Variants in SLC35F1 observed in about 807,000 individuals in gnomAD.
SLC35F1 encodes the protein chromosome 6 open reading frame 169.
In SLC35F1, 14 loss-of-function variants were observed where a neutral mutation model predicts 48.7. That is an observed-to-expected ratio of 0.29 (90% CI 0.19 to 0.45). The LOEUF is 0.45. Ranked by LOEUF, SLC35F1 falls within the 20% of genes least tolerant of loss-of-function variation. The pLI is 1.00. For synonymous variants in SLC35F1, 190 were observed against 202.2 expected (o/e 0.94, Z 0.51); for missense variants, 404 against 500.0 (o/e 0.81, Z 1.83).
intron 7 of SLC35F1, among the ~76,000 whole-genome samples, chr6:118,296,615 C>T (rs1204368022): frequency 6.6e-6 from 1 of 152,168 alleles, no homozygotes; most frequent in African/African-American, 2.4e-5. Flanking sequence ...GCCAAAGTTC[C>T]TTGTACAAAA....
intron 1 of SLC35F1, among the ~76,000 whole-genome samples, chr6:118,127,538 T>G (rs1296577193): frequency 3.9e-5 from 6 of 152,114 alleles, no homozygotes; most frequent in Non-Finnish European, 5.9e-5. Context: ...TTGACAAACT[T>G]GAGAAAAACA....
At position 117,932,878 on chromosome 6, in the gene SLC35F1, G is replaced by C. The variant is rs1191496649; in HGVS notation, c.173+24979G>C. On this transcript the variant is annotated intron_variant, in intron 1 of 7. Coordinates refer to ENST00000360388, the MANE Select transcript of SLC35F1 (RefSeq NM_001029858.4). ...CCCGTGAGCCAGCAGTTTTCCCAAG[G>C]CTTATCTCCTGTCCTGCACCATCCC... is the stretch of plus-strand genomic sequence containing the variant. Among the ~76,000 whole-genome samples, 4 of 152,048 alleles carry C rather than the reference G, an allele frequency of 2.6e-5. No individual in the cohort carries two copies. In the East Asian group the frequency reaches 7.7e-4, roughly 29 times the overall value.
At chr6:118,084,823 A>G (rs1772962984) in intron 1 of SLC35F1, among the ~76,000 whole-genome samples, 1 of 151,934 alleles carries the variant, frequency 6.6e-6, no homozygotes, top group African/African-American at 2.4e-5. Context: ...ACTTGCTCTG[A>G]GATGATTCCC....
intron 2 of SLC35F1, among the ~76,000 whole-genome samples, chr6:118,199,002 C>T (rs1376025749): frequency 6.6e-6 from 1 of 152,170 alleles, no homozygotes; most frequent in Non-Finnish European, 1.5e-5. Flanking sequence ...TCCCCCAAGC[C>T]TGGGAAAAGC....
intron 1 of SLC35F1, among the ~76,000 whole-genome samples, chr6:118,065,477 G>T (rs1772598993): frequency 6.6e-6 from 1 of 152,028 alleles, no homozygotes; most frequent in African/African-American, 2.4e-5. Context: ...TTGAGGTGAT[G>T]GATATCCCAA....
At chr6:118,020,683 T>C (rs1419513516) in intron 1 of SLC35F1, among the ~76,000 whole-genome samples, 1 of 152,230 alleles carries the variant, frequency 6.6e-6, no homozygotes, top group Admixed American at 6.5e-5. Context: ...CTGAAGTCAT[T>C]CATCTGGCTT....
At chr6:118,009,912 C>A (rs1390287766) in intron 1 of SLC35F1, among the ~76,000 whole-genome samples, 1 of 152,100 alleles carries the variant, frequency 6.6e-6, no homozygotes, top group Admixed American at 6.5e-5. Context: ...ACCTTCCTGA[C>A]AAAGAAGTTT....
intron 3 of SLC35F1, among the ~76,000 whole-genome samples, chr6:118,251,122 T>TA (rs569275925): frequency 6.6e-6 from 1 of 152,040 alleles, no homozygotes; most frequent in Non-Finnish European, 1.5e-5. Context: ...ATCTCATCTC[T>TA]AAAAAAATAC....
intron 1 of SLC35F1, among the ~76,000 whole-genome samples, chr6:117,915,785 G>A (rs909893326): frequency 6.6e-6 from 1 of 152,148 alleles, no homozygotes; most frequent in Non-Finnish European, 1.5e-5. Flanking sequence ...AAAGGAGAAG[G>A]AAAAGACCAG....
intron 3 of SLC35F1, among the ~76,000 whole-genome samples, chr6:118,238,804 C>T (rs1462444486): frequency 6.6e-6 from 1 of 152,128 alleles, no homozygotes; most frequent in Non-Finnish European, 1.5e-5. Context: ...TGGCTTAGAC[C>T]TGAAGTATCT....
chr6:118,155,886 A>T (rs1286786266), intron 2 of SLC35F1, among the ~76,000 whole-genome samples: 1 of 152,216 alleles, frequency 6.6e-6, no homozygotes, highest in Non-Finnish European at 1.5e-5. Context: ...TCAGTATTTA[A>T]TTTTTACATT....
At chr6:118,085,652 A>G (rs554965095) in intron 1 of SLC35F1, among the ~76,000 whole-genome samples, 17 of 151,588 alleles carry the variant, frequency 1.1e-4, no homozygotes, top group African/African-American at 4.1e-4. Context: ...ACAGTTTTCT[A>G]TCTTGTCTTT....
intron 1 of SLC35F1, among the ~76,000 whole-genome samples, chr6:118,002,661 T>C (rs1777119419): frequency 1.3e-5 from 2 of 151,962 alleles, no homozygotes; most frequent in African/African-American, 4.8e-5. Flanking sequence ...CTAGTTTAAA[T>C]AATAATTTTT....
chr6:118,297,735 C>T (rs985320775), intron 7 of SLC35F1, among the ~76,000 whole-genome samples: 1 of 102,372 alleles, frequency 9.8e-6, no homozygotes, highest in African/African-American at 4.8e-5. Context: ...TATATAAGTT[C>T]TGAGAAATAT....
intron 3 of SLC35F1, among the ~76,000 whole-genome samples, chr6:118,237,092 C>T (rs1775375168): frequency 6.6e-6 from 1 of 152,086 alleles, no homozygotes; most frequent in Non-Finnish European, 1.5e-5. Flanking sequence ...GGGGGATACT[C>T]ATACTCTCTA....
At chr6:118,042,154 AT>A (rs1271789130) in intron 1 of SLC35F1, among the ~76,000 whole-genome samples, 1 of 152,262 alleles carries the variant, frequency 6.6e-6, no homozygotes, top group African/African-American at 2.4e-5. Flanking sequence ...CCATCCATTC[AT>A]TCTTGGAAAC....
In SLC35F1 at chr6:118,290,161, T is replaced by A. The variant is rs191542096; in HGVS notation, c.1002+4823T>A. Among the ~76,000 whole-genome samples the A allele has an allele frequency of 5.9e-5, 9 of 152,284 alleles. 1 individual carries two copies. In the East Asian group the frequency reaches 1.7e-3, roughly 29 times the overall value. On this transcript the variant is annotated intron_variant, in intron 7 of 7. Coordinates refer to ENST00000360388, the MANE Select transcript of SLC35F1 (RefSeq NM_001029858.4). ...ATCTCTTTTTGGCTATTAGAAATAA[T>A]CTGGAAAATTAGCTTCTAAGTTTTT...
At chr6:118,256,289 T>C (rs1775645448) in intron 3 of SLC35F1, among the ~76,000 whole-genome samples, 1 of 150,602 alleles carries the variant, frequency 6.6e-6, no homozygotes, top group Non-Finnish European at 1.5e-5. Context: ...CCTTCCCTGT[T>C]AACACTTCAG....
At chr6:118,274,158 A>G (rs1775891544) in intron 4 of SLC35F1, among the ~76,000 whole-genome samples, 1 of 151,978 alleles carries the variant, frequency 6.6e-6, no homozygotes, top group African/African-American at 2.4e-5. Context: ...TCCATCCTCA[A>G]CTTCCACTGC....
Sources: gnomAD v4.1 joint callset for allele counts (sites outside exome capture counted in the v4.1 genomes callset) on GRCh38, gnomAD v4.1.1 for gene constraint, MANE v1.5 for transcripts, NCBI Gene and HGNC (gene_info 2026-07-23, HGNC 2026-07-21) for gene names.